Variants in SP5 observed in about 807,000 individuals in gnomAD.
The protein encoded by SP5 is transcription factor Sp5.
Under a neutral mutation model 27.4 loss-of-function variants are expected in SP5, and 12 were observed. The observed-to-expected ratio is 0.44, with a 90% CI of 0.28 to 0.71. SP5 has a LOEUF of 0.71. Among genes scored for constraint, SP5 ranks in the 30% least tolerant of loss-of-function variants. The pLI is 0.15. For synonymous variants in SP5, 330 were observed against 290.7 expected (o/e 1.14, Z -1.38); for missense variants, 660 against 589.8 (o/e 1.12, Z -1.23).
At chr2:170,716,044 A>G in intron 1 of SP5, 1 of 1,393,612 alleles carries the variant, frequency 7.2e-7, no homozygotes, top group Non-Finnish European at 9.3e-7. Flanking sequence ...GTTTAGCAAG[A>G]AGCGCTCGCG....
Position 170,716,968 on chromosome 2 carries a change from T to A in SP5, c.761T>A (p.Ile254Asn). 3.2e-6 allele frequency: 5 copies of A among 1,547,640 alleles called. No individual in the cohort carries two copies. The highest frequency in any genetic ancestry group is 4.4e-6 in the Non-Finnish European group (5 of 1,146,390). Residue 254 changes from isoleucine to asparagine, a missense_variant, in exon 2 of 2, where the codon ATC (isoleucine) becomes AAC (asparagine). Coordinates refer to ENST00000375281, the MANE Select transcript of SP5 (RefSeq NM_001003845.3). ...PSDFAQYQSQ[I>N]AALLQTKAPL... is the part of the protein sequence containing the mutation. ...GACTTTGCGCAGTACCAGAGCCAGA[T>A]CGCCGCGCTGCTGCAGACCAAGGCC...
Position 170,717,743 on chromosome 2 carries a change from T to A in SP5, c.*339T>A, listed in dbSNP as rs532304426. On this transcript the variant is annotated 3_prime_UTR_variant, in exon 2 of 2. Transcript: ENST00000375281. Reference sequence around the variant, plus strand: ...ATATAGGAAATGCTGCTGAACTGAATAGAAAGGAACTTGGGAGATTTGAAA... The same window carrying A: ...ATATAGGAAATGCTGCTGAACTGAAAAGAAAGGAACTTGGGAGATTTGAAA... 1.1e-4 allele frequency: 40 copies of A among 359,842 alleles called. 2 individuals carry two copies. The South Asian group carries it at 1.4e-3, about 13-fold the overall frequency. 22.3% of individuals were successfully genotyped at this position (359,842 alleles called of 1,614,324 possible).
At chr2:170,715,822 T>G (rs1700051797) in intron 1 of SP5, 2 of 985,218 alleles carry the variant, frequency 2.0e-6, no homozygotes, top group African/African-American at 3.5e-5. Flanking sequence ...GCCCTCCTGC[T>G]GATTTCAGCC....
chr2:170,715,366 G>A lies in SP5; in HGVS notation c.-147G>A, dbSNP rs1267071409. 1.3e-5 allele frequency: 14 copies of A among 1,055,252 alleles called. No homozygotes were observed. The highest frequency in any genetic ancestry group is 8.4e-5 in the South Asian group (4 of 47,672). 65.4% of individuals were successfully genotyped at this position (1,055,252 alleles called of 1,614,324 possible). On this transcript the variant is annotated 5_prime_UTR_variant, in exon 1 of 2. Transcript: ENST00000375281. Reference sequence around the variant, plus strand: ...CGCGCGCGGGGCGAGCGAGCGGGGCGCGGCGAGGGGCAAGGGCGGGGAGGG... The same window carrying A: ...CGCGCGCGGGGCGAGCGAGCGGGGCACGGCGAGGGGCAAGGGCGGGGAGGG...
rs1700100320 is a variant in SP5 at position 170,717,654 on chromosome 2, T to C, written c.*250T>C. 1.0e-5 allele frequency: 6 copies of C among 576,724 alleles called. No homozygotes were observed. The highest frequency in any genetic ancestry group is 1.8e-5 in the Non-Finnish European group (6 of 328,314). 35.7% of individuals were successfully genotyped at this position (576,724 alleles called of 1,614,324 possible). On this transcript the variant is annotated 3_prime_UTR_variant, in exon 2 of 2. Transcript: ENST00000375281. ...GCCGTACGCCAGGGCGGTTCCAAAC[T>C]CTAAACCGTTCCCACCGTCAGGGAG...
In SP5 at chr2:170,717,014, G is replaced by A; in HGVS notation, c.807G>A (p.Arg269=). The change falls in exon 2 of 2, where the codon AGG becomes AGA. Residue 269 remains arginine (R), a synonymous_variant. Coordinates refer to ENST00000375281, the MANE Select transcript of SP5 (RefSeq NM_001003845.3). The stretch of plus-strand genomic sequence containing the variant: ...AGGCCCCCCTGGCGGCCACGGCCAG[G>A]AGGTGCCGCCGCTGCCGCTGTCCCA... ...QTKAPLAATA[R]RCRRCRCPNC... 5 of 1,547,322 alleles carry A rather than the reference G, an allele frequency of 3.2e-6. No individual in the cohort carries two copies. Among genetic ancestry groups the A allele is most frequent in the Non-Finnish European group, 4.4e-6 (5 of 1,146,132 alleles).
chr2:170,716,489 G>C lies in SP5; in HGVS notation c.282G>C (p.Leu94=), dbSNP rs767709290. 6.2e-7 allele frequency: 1 copy of C among 1,609,914 alleles called. No homozygotes were observed. Among genetic ancestry groups the C allele is most frequent in the East Asian group, 2.2e-5 (1 of 44,804 alleles). The part of the protein sequence containing the change: ...ALPPPHPSLG[L]TPQKTHLQPS... ...CGCCCCCGCATCCCAGCTTGGGGCT[G>C]ACGCCGCAGAAGACGCACCTGCAGC... Residue 94 remains leucine, a synonymous_variant, in exon 2 of 2, where the codon CTG becomes CTC. Transcript: ENST00000375281.
At chr2:170,715,798 G>A (rs1384634711) in intron 1 of SP5, 1 of 985,346 alleles carries the variant, frequency 1.0e-6, no homozygotes, top group African/African-American at 1.7e-5. Context: ...CAGGACCGGA[G>A]CTCACCCTGC....
rs752582801 is a variant in SP5, at chr2:170,717,271, G to C, written c.1064G>C (p.Arg355Pro). The C allele has an allele frequency of 6.2e-7, 1 of 1,609,860 alleles. No individual in the cohort carries two copies. The highest frequency in any genetic ancestry group is 1.1e-5 in the South Asian group (1 of 90,950). Reference protein sequence around the residue: ...RHLRTHTGEKRFACPECGKRF... With the variant: ...RHLRTHTGEKPFACPECGKRF... ...CTGCGGACTCACACGGGCGAGAAGC[G>C]CTTTGCCTGTCCCGAGTGCGGCAAG... is the stretch of plus-strand genomic sequence containing the variant. The change falls in exon 2 of 2, where the codon CGC (arginine) becomes CCC (proline). Residue 355 changes from arginine to proline, a missense_variant. Arg to Pro is a moderately radical substitution (Grantham distance 103). Transcript: ENST00000375281.
chr2:170,717,792 C>G lies in SP5; in HGVS notation c.*388C>G. 1 of 250,958 alleles carries G rather than the reference C, an allele frequency of 4.0e-6. No individual in the cohort carries two copies. The allele number at this position is 250,958 out of a possible 1,614,324, so 15.5% of individuals were successfully genotyped here. A position where few individuals can be genotyped will look rare whatever the true frequency, so the allele number is the denominator to read the frequency against. On this transcript the variant is annotated 3_prime_UTR_variant, in exon 2 of 2. Transcript: ENST00000375281. ...AACAGTGCTCGGGTTTTCGCTAGGA[C>G]CGGTTTGGGCTTTGTACAGGTTATT...
chr2:170,716,139 G>A (rs1454979247), intron 1 of SP5, 120 bp from the exon 2 acceptor site: 1 of 1,412,076 alleles, frequency 7.1e-7, no homozygotes, highest in Non-Finnish European at 9.2e-7. Context: ...GGGGAGGGAC[G>A]GCCGGGACGG....
intron 1 of SP5, chr2:170,715,781 CCGAGAACA>C (rs1158610958): frequency 4.3e-5 from 42 of 985,310 alleles, no homozygotes; most frequent in Non-Finnish European, 5.1e-5. Context: ...GCCCGGCTGG[CCGAGAACA>C]GGACCGGAGC....
In SP5 at chr2:170,716,939, G is replaced by T. The variant is rs1350256078; in HGVS notation, c.732G>T (p.Pro244=). ...AALQRGLVLG[P]SDFAQYQSQI... ...TACAAAGAGGCCTGGTGTTGGGCCC[G>T]TCGGACTTTGCGCAGTACCAGAGCC... The change falls in exon 2 of 2, where the codon CCG becomes CCT. Residue 244 remains proline (P), a synonymous_variant. Transcript: ENST00000375281. The T allele has an allele frequency of 1.3e-6, 2 of 1,547,242 alleles. No homozygotes were observed. The highest frequency in any genetic ancestry group is 8.7e-7 in the Non-Finnish European group (1 of 1,146,222).
chr2:170,717,159 C>T lies in SP5; in HGVS notation c.952C>T (p.Arg318Cys), dbSNP rs144168015. 6.2e-7 allele frequency: 1 copy of T among 1,605,994 alleles called. No individual in the cohort carries two copies. Among genetic ancestry groups the T allele is most frequent in the Admixed American group, 1.7e-5 (1 of 59,232 alleles). The part of the protein sequence containing the change: ...GKTSHLKAHL[R>C]WHTGERPFVC... The stretch of plus-strand genomic sequence containing the variant: ...GACGTCGCACCTGAAGGCGCACCTG[C>T]GCTGGCACACGGGCGAGCGACCCTT... The change falls in exon 2 of 2, where the codon CGC becomes TGC. Residue 318 changes from arginine to cysteine, a missense_variant. By Grantham distance (180) the Arg-to-Cys change is radical. Coordinates refer to ENST00000375281, the MANE Select transcript of SP5 (RefSeq NM_001003845.3).
chr2:170,716,897 T>G lies in SP5; in HGVS notation c.690T>G (p.Ala230=), dbSNP rs1575382269. ...TCCCCGCCTCTGCGGCCGCTGCTGC[T>G]GCGGCCGCCGCCGCCCTACAAAGAG... The part of the protein sequence containing the change: ...PRFPASAAAA[A]AAAAALQRGL... The change falls in exon 2 of 2, where the codon GCT becomes GCG. Residue 230 remains alanine, a synonymous_variant. Coordinates refer to ENST00000375281, the MANE Select transcript of SP5 (RefSeq NM_001003845.3). The G allele has an allele frequency of 6.6e-7, 1 of 1,524,430 alleles. No individual in the cohort carries two copies. The highest frequency in any genetic ancestry group is 8.8e-7 in the Non-Finnish European group (1 of 1,137,704). The allele number at this position is 1,524,430 out of a possible 1,614,324, so 94.4% of individuals were successfully genotyped here.
In SP5 at chr2:170,717,164, G is replaced by C; in HGVS notation, c.957G>C (p.Trp319Cys). ...CGCACCTGAAGGCGCACCTGCGCTGGCACACGGGCGAGCGACCCTTCGTGT... is the reference window on the plus strand; with the variant it reads ...CGCACCTGAAGGCGCACCTGCGCTGCCACACGGGCGAGCGACCCTTCGTGT... Reference protein sequence around the residue: ...KTSHLKAHLRWHTGERPFVCN... With the variant: ...KTSHLKAHLRCHTGERPFVCN... The change falls in exon 2 of 2, where the codon TGG (tryptophan) becomes TGC (cysteine). Residue 319 changes from tryptophan (W) to cysteine (C), a missense_variant. By Grantham distance (215) the Trp-to-Cys change is radical. Transcript: ENST00000375281. 1 of 1,606,024 alleles carries C rather than the reference G, an allele frequency of 6.2e-7. No individual in the cohort carries two copies. Among genetic ancestry groups the C allele is most frequent in the Non-Finnish European group, 8.5e-7 (1 of 1,177,198 alleles).
Position 170,717,245 on chromosome 2 carries a change from C to G in SP5, c.1038C>G (p.His346Gln), listed in dbSNP as rs907885539. ...CGCGCTCGGACGAGCTGCAGCGGCA[C>G]CTGCGGACTCACACGGGCGAGAAGC... ...SFTRSDELQR[H>Q]LRTHTGEKRF... Residue 346 changes from histidine to glutamine, a missense_variant, in exon 2 of 2, where the codon CAC (histidine) becomes CAG (glutamine). By Grantham distance (24) the His-to-Gln change is conservative. Transcript: ENST00000375281. The G allele has an allele frequency of 6.2e-7, 1 of 1,610,008 alleles. No homozygotes were observed. The highest frequency in any genetic ancestry group is 1.3e-5 in the African/African-American group (1 of 75,042).
In SP5 at chr2:170,715,505, C is replaced by G. The variant is rs1389257353; in HGVS notation, c.-8C>G. 2 of 1,551,686 alleles carry G rather than the reference C, an allele frequency of 1.3e-6. No individual in the cohort carries two copies. Among genetic ancestry groups the G allele is most frequent in the Non-Finnish European group, 1.7e-6 (2 of 1,148,308 alleles). ...CGCTCCGCAGCCAGGGGCCTGCAAG[C>G]CGTAGCCATGGCCGCGGTGGCCGTC... On this transcript the variant is annotated 5_prime_UTR_variant, in exon 1 of 2. Transcript: ENST00000375281.
Position 170,717,276 on chromosome 2 carries a change from G to C in SP5, c.1069G>C (p.Ala357Pro), listed in dbSNP as rs746115878. ...LRTHTGEKRF[A>P]CPECGKRFMR... Reference sequence around the variant, plus strand: ...GACTCACACGGGCGAGAAGCGCTTTGCCTGTCCCGAGTGCGGCAAGCGCTT... The same window carrying C: ...GACTCACACGGGCGAGAAGCGCTTTCCCTGTCCCGAGTGCGGCAAGCGCTT... Residue 357 changes from alanine (A) to proline (P), a missense_variant, in exon 2 of 2, where the codon GCC (alanine) becomes CCC (proline). Physicochemically the swap from Ala to Pro is conservative, Grantham distance 27. Transcript: ENST00000375281. 1.9e-5 allele frequency: 30 copies of C among 1,609,828 alleles called. No homozygotes were observed. The South Asian group carries it at 2.9e-4, about 15-fold the overall frequency.
Sources: gnomAD v4.1 joint callset for allele counts on GRCh38, gnomAD v4.1.1 for gene constraint, MANE v1.5 for transcripts, NCBI Gene and HGNC (gene_info 2026-07-23, HGNC 2026-07-21) for gene names.